The following FRMD5 variants were observed in gnomAD, a reference collection of about 807,000 sequenced individuals.
FRMD5 encodes FERM domain containing 5.
FRMD5 carries 20 observed loss-of-function variants against 69.0 expected under a neutral mutation model. That is an observed-to-expected ratio of 0.29 (90% CI 0.20 to 0.42). The LOEUF is 0.42. Ranked by LOEUF, FRMD5 falls within the 10% of genes least tolerant of loss-of-function variation. The pLI, the probability that FRMD5 is intolerant of heterozygous loss-of-function variation, is 1.00. For synonymous variants in FRMD5, 271 were observed against 260.1 expected, an observed-to-expected ratio of 1.04 and a Z score of -0.40; for missense variants, 595 against 708.6, an observed-to-expected ratio of 0.84 and a Z score of 1.82.
intron 1 of FRMD5, among the ~76,000 whole-genome samples, chr15:43,985,441 A>G (rs1054383113): frequency 7.2e-5 from 11 of 152,132 alleles, no homozygotes; most frequent in Non-Finnish European, 1.3e-4. Context: ...AATCTCTAGT[A>G]TATTTGTCAG....
chr15:44,173,749 A>G (rs2077845498), intron 1 of FRMD5, among the ~76,000 whole-genome samples: 1 of 152,058 alleles, frequency 6.6e-6, no homozygotes, highest in Non-Finnish European at 1.5e-5. Context: ...CCTGAGCTCA[A>G]GCGATCCTCC....
chr15:43,882,783 T>A (rs1423325682), intron 13 of FRMD5, among the ~76,000 whole-genome samples: 1 of 152,004 alleles, frequency 6.6e-6, no homozygotes, highest in Non-Finnish European at 1.5e-5. Context: ...TGGAGATTGG[T>A]CAGATTTAGC....
intron 1 of FRMD5, among the ~76,000 whole-genome samples, chr15:44,190,146 T>A (rs1294401902): frequency 2.0e-5 from 3 of 152,208 alleles, no homozygotes; most frequent in Non-Finnish European, 4.4e-5. Context: ...ACTTCTTTAG[T>A]ACAAGCCTTA....
At chr15:43,999,632 C>T (rs1261488813) in intron 1 of FRMD5, among the ~76,000 whole-genome samples, 1 of 151,950 alleles carries the variant, frequency 6.6e-6, no homozygotes, top group Non-Finnish European at 1.5e-5. Flanking sequence ...CTTTTTTACT[C>T]TTTTTATGCG....
rs917214911 is a variant in FRMD5 at position 43,934,681 on chromosome 15, G to A, written c.103-10372C>T. Among the ~76,000 whole-genome samples, 14 of 152,264 alleles carry A rather than the reference G, an allele frequency of 9.2e-5. No homozygotes were observed. In the East Asian group the frequency reaches 1.5e-3, roughly 17 times the overall value. ...GGTCATTTTACATTCCACTGTGAGCGATGGAAAAGTCCCATTAGATCATCT... is the reference window on the plus strand; with the variant it reads ...GGTCATTTTACATTCCACTGTGAGCAATGGAAAAGTCCCATTAGATCATCT... On this transcript the variant is annotated intron_variant, in intron 1 of 13. Coordinates refer to ENST00000417257, the MANE Select transcript of FRMD5 (RefSeq NM_032892.5).
intron 1 of FRMD5, among the ~76,000 whole-genome samples, chr15:44,067,241 T>A (rs1330845175): frequency 2.0e-5 from 3 of 152,096 alleles, no homozygotes; most frequent in Non-Finnish European, 4.4e-5. Flanking sequence ...GGGGAGAGAC[T>A]AGGTATGTGC....
intron 1 of FRMD5, among the ~76,000 whole-genome samples, chr15:43,974,158 C>T (rs930611417): frequency 6.6e-6 from 1 of 151,840 alleles, no homozygotes; most frequent in African/African-American, 2.4e-5. Context: ...TGAAAGCACA[C>T]AAGATGGTCC....
chr15:43,927,089 C>A (rs1313055729), intron 1 of FRMD5, among the ~76,000 whole-genome samples: 2 of 152,082 alleles, frequency 1.3e-5, no homozygotes, highest in Non-Finnish European at 2.9e-5. Context: ...CTGAATGACT[C>A]TCTCAAGTAT....
intron 1 of FRMD5, among the ~76,000 whole-genome samples, chr15:44,154,435 G>A (rs1430571089): frequency 6.6e-6 from 1 of 151,924 alleles, no homozygotes; most frequent in East Asian, 1.9e-4. Flanking sequence ...TTCTTTATCG[G>A]CTTACATACT....
chr15:44,087,763 T>TCAC (rs1894263138), intron 1 of FRMD5, among the ~76,000 whole-genome samples: 1 of 150,618 alleles, frequency 6.6e-6, no homozygotes, highest in African/African-American at 2.5e-5. Context: ...ATCATCATCA[T>TCAC]CATCATCATC....
intron 1 of FRMD5, among the ~76,000 whole-genome samples, chr15:44,172,148 T>C (rs1002235924): frequency 2.0e-5 from 3 of 151,458 alleles, no homozygotes; most frequent in African/African-American, 4.9e-5. Context: ...TGGAGTGCAG[T>C]GGCACAATCA....
At position 44,148,021 on chromosome 15, in the gene FRMD5, T is replaced by G. The variant is rs58355014; in HGVS notation, c.102+46932A>C. On this transcript the variant is annotated intron_variant, in intron 1 of 13. Transcript: ENST00000417257. Reference sequence around the variant, plus strand: ...GACATTATCAATTTAGTGTTCCCATTAACACCTAACCACTTAAAATCTAGC... The same window carrying G: ...GACATTATCAATTTAGTGTTCCCATGAACACCTAACCACTTAAAATCTAGC... Among the ~76,000 whole-genome samples, 1,227 of 152,302 alleles carry G rather than the reference T, an allele frequency of 8.1e-3. 91 individuals carry two copies. The East Asian group carries it at 0.17, about 21-fold the overall frequency.
At chr15:44,027,045 C>T (rs1292062416) in intron 1 of FRMD5, among the ~76,000 whole-genome samples, 5 of 152,178 alleles carry the variant, frequency 3.3e-5, no homozygotes, top group African/African-American at 1.2e-4. Context: ...TGAGCTATAT[C>T]GCTTGCATCC....
chr15:43,889,235 C>T lies in FRMD5; in HGVS notation c.729-363G>A, dbSNP rs375193062. ...GCATTATCTGGATGGGACTGTCAAA[C>T]GTAAGATGCCACAGGTAGCTGATGA... On this transcript the variant is annotated intron_variant, in intron 8 of 13. Coordinates refer to ENST00000417257, the MANE Select transcript of FRMD5 (RefSeq NM_032892.5). 8.5e-5 allele frequency among the ~76,000 whole-genome samples: 13 copies of T among 152,188 alleles called. No homozygotes were observed. In the East Asian group the frequency reaches 1.2e-3, roughly 14 times the overall value.
At chr15:43,969,422 T>C (rs1008123082) in intron 1 of FRMD5, among the ~76,000 whole-genome samples, 6 of 152,272 alleles carry the variant, frequency 3.9e-5, no homozygotes, top group African/African-American at 1.4e-4. Context: ...TTTACAGCCA[T>C]GCACATTCAT....
chr15:43,991,694 C>T (rs1346155843), intron 1 of FRMD5, among the ~76,000 whole-genome samples: 4 of 152,132 alleles, frequency 2.6e-5, no homozygotes, highest in East Asian at 1.9e-4. Context: ...TCCACAATCT[C>T]GTCTCTATTA....
In FRMD5 at chr15:43,979,109, G is replaced by A. The variant is rs532039670; in HGVS notation, c.103-54800C>T. On this transcript the variant is annotated intron_variant, in intron 1 of 13. Coordinates refer to ENST00000417257, the MANE Select transcript of FRMD5 (RefSeq NM_032892.5). ...TCTCAGCACTTTGGGAGGCCGAGGC[G>A]GGCTGATCACCTGAGGCCAGCAGTT... 1.1e-4 allele frequency among the ~76,000 whole-genome samples: 17 copies of A among 152,078 alleles called. 1 individual carries two copies. The South Asian group carries it at 1.2e-3, about 11-fold the overall frequency.
intron 1 of FRMD5, among the ~76,000 whole-genome samples, chr15:44,177,433 C>T (rs909865508): frequency 6.6e-6 from 1 of 151,920 alleles, no homozygotes; most frequent in African/African-American, 2.4e-5. Context: ...ACCTGAAAAA[C>T]ATTATACTAA....
Position 43,962,231 on chromosome 15 carries a change from A to C in FRMD5, c.103-37922T>G, listed in dbSNP as rs530992163. Among the ~76,000 whole-genome samples the C allele has an allele frequency of 9.8e-5, 15 of 152,348 alleles. No homozygotes were observed. In the South Asian group the frequency reaches 2.9e-3, roughly 29 times the overall value. ...GTCTCAGGATACAAAATCAATGTGCAAAAATCACAAGCATTCTTAAACACC... is the reference window on the plus strand; with the variant it reads ...GTCTCAGGATACAAAATCAATGTGCCAAAATCACAAGCATTCTTAAACACC... On this transcript the variant is annotated intron_variant, in intron 1 of 13. Transcript: ENST00000417257.
Sources: allele counts gnomAD v4.1 joint callset (sites outside exome capture counted in the v4.1 genomes callset), GRCh38; gene constraint gnomAD v4.1.1; transcripts MANE v1.5; gene names NCBI Gene and HGNC (gene_info 2026-07-23, HGNC 2026-07-21).